The following RGPD2 variants were observed in gnomAD, a reference collection of about 807,000 sequenced individuals.
RGPD2 encodes the protein RANBP2-like and GRIP domain-containing protein 2.
A neutral mutation model predicts 36.0 loss-of-function variants in RGPD2; 2 were observed. That is an observed-to-expected ratio of 0.06 (90% CI 0.02 to 0.17). The LOEUF is 0.17. Ranked by LOEUF, RGPD2 falls within the 10% of genes least tolerant of loss-of-function variation. The pLI, the probability that RGPD2 is intolerant of heterozygous loss-of-function variation, is 1.00. For missense variants in RGPD2, 40 were observed against 464.3 expected, an observed-to-expected ratio of 0.09 and a Z score of 8.40; for synonymous variants, 19 against 163.8, an observed-to-expected ratio of 0.12 and a Z score of 6.75.
chr2:87,825,870 C>G, upstream of RGPD2: 2 of 1,085,872 alleles, frequency 1.8e-6, no homozygotes, highest in Non-Finnish European at 2.6e-6. Context: ...ACTGCGTCAG[C>G]ACTGTGTATC....
the RGPD2 span, among the ~76,000 whole-genome samples, chr2:87,964,617 T>C: frequency 3.3e-5 from 5 of 151,694 alleles, no homozygotes; most frequent in South Asian, 1.0e-3. Flanking sequence ...CACTGCAACC[T>C]CCTGTGGCAG....
the RGPD2 span, among the ~76,000 whole-genome samples, chr2:87,930,520 T>G: frequency 0.07 from 10,659 of 151,768 alleles, 264 homozygotes; most frequent in Non-Finnish European, 0.11. Context: ...GATATGGGCC[T>G]GAAGTTTTCT....
chr2:87,943,133 T>C, the RGPD2 span, among the ~76,000 whole-genome samples: 1 of 64,570 alleles, frequency 1.5e-5, no homozygotes, highest in Non-Finnish European at 3.1e-5. Flanking sequence ...GTGGAATTGC[T>C]GGATCATGTG....
At chr2:87,897,719 T>C in the RGPD2 span, among the ~76,000 whole-genome samples, 2 of 152,032 alleles carry the variant, frequency 1.3e-5, no homozygotes, top group Non-Finnish European at 2.9e-5. Context: ...AGTGAGAACA[T>C]GCAGTGTTTG....
intron 4 of RGPD2, among the ~76,000 whole-genome samples, chr2:87,815,020 G>C (rs1686241023): frequency 1.1e-5 from 1 of 94,772 alleles, no homozygotes; most frequent in Non-Finnish European, 2.0e-5. Context: ...GTCAGGCATA[G>C]TGAAGAGAAG....
chr2:87,964,089 C>T, the RGPD2 span, among the ~76,000 whole-genome samples: 1 of 152,238 alleles, frequency 6.6e-6, no homozygotes, highest in Non-Finnish European at 1.5e-5. Context: ...ATCTTAGCCT[C>T]CCAAAGTGCT....
At chr2:87,966,368 A>C in the RGPD2 span, among the ~76,000 whole-genome samples, 1 of 147,762 alleles carries the variant, frequency 6.8e-6, no homozygotes, top group Non-Finnish European at 1.5e-5. Flanking sequence ...GCCATACAGC[A>C]GTGAATACGT....
chr2:87,758,288 GTTTT>G (rs1196999641), intron 22 of RGPD2, among the ~76,000 whole-genome samples: 3 of 112,208 alleles, frequency 2.7e-5, no homozygotes, highest in South Asian at 3.6e-4. Context: ...TCCTCAAATG[GTTTT>G]TTTTATTAGG....
rs1433945648 is a variant in RGPD2, at chr2:87,824,817, C to CAGGCCGAGGCCG, written c.72+829_72+840dup. On this transcript the variant is annotated intron_variant, in intron 1 of 22. Coordinates refer to ENST00000398146, the MANE Select transcript of RGPD2 (RefSeq NM_001078170.3). The stretch of plus-strand genomic sequence containing the variant: ...GAGGCCGCCGCCGCCGCCGCCCGGC[C>CAGGCCGAGGCCG]AGGCCGAGGCCGCCGCCGCCGCCGC... The CAGGCCGAGGCCG allele has an allele frequency of 5.1e-4, 41 of 80,144 alleles. 1 individual carries two copies. Among genetic ancestry groups the CAGGCCGAGGCCG allele is most frequent in the African/African-American group, 1.1e-3 (20 of 17,688 alleles). 5.0% of individuals were successfully genotyped at this position (80,144 alleles called of 1,614,324 possible).
chr2:87,882,411 T>C, the RGPD2 span, among the ~76,000 whole-genome samples: 5 of 152,268 alleles, frequency 3.3e-5, no homozygotes, highest in African/African-American at 9.6e-5. Context: ...CTCACACTAG[T>C]TACGCAGGGT....
the RGPD2 span, among the ~76,000 whole-genome samples, chr2:87,858,050 C>T: frequency 3.3e-5 from 5 of 152,194 alleles, no homozygotes; most frequent in East Asian, 9.6e-4. Flanking sequence ...CACACACACA[C>T]ATATATATGT....
chr2:87,973,254 C>T, the RGPD2 span, among the ~76,000 whole-genome samples: 1 of 149,890 alleles, frequency 6.7e-6, no homozygotes, highest in African/African-American at 2.5e-5. Flanking sequence ...CAGGGGTGAC[C>T]CCTGCCCCCA....
chr2:87,929,008 A>G, the RGPD2 span, among the ~76,000 whole-genome samples: 6 of 151,786 alleles, frequency 4.0e-5, no homozygotes, highest in African/African-American at 1.4e-4. Context: ...TTGTCGGGTT[A>G]CTCTATTGAC....
chr2:87,824,740 G>A (rs1189642298), intron 1 of RGPD2, among the ~76,000 whole-genome samples: 2 of 114,304 alleles, frequency 1.7e-5, no homozygotes, highest in Admixed American at 8.2e-5. Context: ...CGGCCAGGCC[G>A]AGGCCGCCGC....
At chr2:87,824,975 A>G (rs1275852846) in intron 1 of RGPD2, 2 of 389,468 alleles carry the variant, frequency 5.1e-6, no homozygotes, top group Non-Finnish European at 9.1e-6. Context: ...ATGGCCCACC[A>G]TAATTGCCCC....
At chr2:87,863,660 T>A in the RGPD2 span, among the ~76,000 whole-genome samples, 1 of 152,128 alleles carries the variant, frequency 6.6e-6, no homozygotes, top group Non-Finnish European at 1.5e-5. Context: ...CCCTTCTTAT[T>A]TTGTTATGAA....
At chr2:87,839,546 A>T in the RGPD2 span, among the ~76,000 whole-genome samples, 7 of 152,092 alleles carry the variant, frequency 4.6e-5, no homozygotes, top group Admixed American at 4.6e-4. Context: ...GGAGGACTGG[A>T]TAAAGAGAAT....
the RGPD2 span, among the ~76,000 whole-genome samples, chr2:87,941,014 T>A: frequency 6.6e-6 from 1 of 152,044 alleles, no homozygotes; most frequent in Non-Finnish European, 1.5e-5. Context: ...CAGAGTGGTC[T>A]TGTTGAAATG....
At chr2:87,781,873 C>G (rs1264222549) in intron 20 of RGPD2, among the ~76,000 whole-genome samples, 2 of 121,736 alleles carry the variant, frequency 1.6e-5, no homozygotes, top group African/African-American at 6.1e-5. Context: ...TACACTGTAC[C>G]AAGTTCTTTT....
Sources: gnomAD v4.1 joint callset for allele counts (sites outside exome capture counted in the v4.1 genomes callset) on GRCh38, gnomAD v4.1.1 for gene constraint, MANE v1.5 for transcripts, NCBI Gene and HGNC (gene_info 2026-07-23, HGNC 2026-07-21) for gene names.